The following SLC2A9 variants were observed in gnomAD, a reference collection of about 807,000 sequenced individuals.
SLC2A9 encodes the protein solute carrier family 2 member 9, also known as solute carrier family 2, facilitated glucose transporter member 9.
A neutral mutation model predicts 50.6 loss-of-function variants in SLC2A9; 39 were observed. The ratio of observed to expected loss-of-function variants is 0.77; its 90% confidence interval spans 0.60 to 1.01. The LOEUF (loss-of-function observed/expected upper bound fraction) is 1.01, where lower values mean the gene tolerates loss of function less well. Ranked by LOEUF, SLC2A9 falls within the 50% of genes least tolerant of loss-of-function variation. SLC2A9 has a pLI of 0.00. For synonymous variants in SLC2A9, 324 were observed against 276.9 expected (o/e 1.17, Z -1.69); for missense variants, 686 against 677.6 (o/e 1.01, Z -0.14).
chr4:9,867,178 TC>T (rs1208856195), intron 10 of SLC2A9, among the ~76,000 whole-genome samples: 1 of 152,248 alleles, frequency 6.6e-6, no homozygotes, highest in Non-Finnish European at 1.5e-5. Context: ...TGTAACTACA[TC>T]TCATTTGCAA....
At chr4:10,008,888 T>G (rs949739482) in intron 2 of SLC2A9, among the ~76,000 whole-genome samples, 2 of 151,016 alleles carry the variant, frequency 1.3e-5, no homozygotes, top group African/African-American at 4.9e-5. Flanking sequence ...ATTATCAAAT[T>G]TCTGTGCGGT....
intron 5 of SLC2A9, among the ~76,000 whole-genome samples, chr4:9,965,848 T>C (rs895373269): frequency 8.5e-5 from 13 of 152,168 alleles, no homozygotes; most frequent in African/African-American, 2.7e-4. Flanking sequence ...CAGAAATTAA[T>C]GACATCAACT....
chr4:9,784,977 G>T (rs1474648702), intron 3 of SLC2A9, among the ~76,000 whole-genome samples: 5 of 152,214 alleles, frequency 3.3e-5, no homozygotes, highest in African/African-American at 1.2e-4. Flanking sequence ...ACTATTTCTG[G>T]AACAGTGAGA....
chr4:9,956,370 C>A (rs1421686765), intron 5 of SLC2A9, among the ~76,000 whole-genome samples: 1 of 151,914 alleles, frequency 6.6e-6, no homozygotes, highest in African/African-American at 2.4e-5. Flanking sequence ...GCCCCAGCTA[C>A]TCGGGAGGCT....
intron 11 of SLC2A9, 100 bp downstream of exon 11, chr4:9,834,781 G>C: frequency 6.4e-7 from 1 of 1,558,668 alleles, no homozygotes; most frequent in Non-Finnish European, 8.8e-7. Context: ...TGAGTTTCCA[G>C]TTGAGAGGAG....
intron 3 of SLC2A9, 21 bp downstream of exon 3, chr4:9,996,760 T>C (rs955535442): frequency 2.5e-6 from 4 of 1,612,568 alleles, no homozygotes; most frequent in African/African-American, 1.3e-5. Flanking sequence ...CACCCCCAGA[T>C]AGAGACAGCC....
intron 3 of SLC2A9, among the ~76,000 whole-genome samples, chr4:9,784,909 A>C (rs1719021461): frequency 6.6e-6 from 1 of 152,244 alleles, no homozygotes; most frequent in Non-Finnish European, 1.5e-5. Flanking sequence ...TATCTTGATC[A>C]CTGCAAAATG....
chr4:9,838,415 A>G (rs1029003023), intron 10 of SLC2A9, among the ~76,000 whole-genome samples: 2 of 152,204 alleles, frequency 1.3e-5, no homozygotes, highest in African/African-American at 4.8e-5. Flanking sequence ...AAGAACTAAT[A>G]TTGTTAAAAT....
chr4:9,963,989 G>T (rs1024627386), intron 5 of SLC2A9, among the ~76,000 whole-genome samples: 2 of 152,126 alleles, frequency 1.3e-5, no homozygotes, highest in Admixed American at 1.3e-4. Context: ...TGGAGGGGTG[G>T]ATGGGTGGAG....
At chr4:9,897,610 C>T (rs1738798500) in intron 8 of SLC2A9, among the ~76,000 whole-genome samples, 1 of 152,094 alleles carries the variant, frequency 6.6e-6, no homozygotes, top group Admixed American at 6.6e-5. Flanking sequence ...GACACGGAGA[C>T]AGACACGCAC....
intron 10 of SLC2A9, among the ~76,000 whole-genome samples, chr4:9,846,128 G>A (rs978264379): frequency 3.9e-5 from 6 of 152,206 alleles, no homozygotes; most frequent in Admixed American, 2.0e-4. Context: ...GTAAATGATA[G>A]ACTTGGCTCC....
intron 3 of SLC2A9, among the ~76,000 whole-genome samples, chr4:9,799,846 G>C (rs1721150321): frequency 6.6e-6 from 1 of 152,124 alleles, no homozygotes; most frequent in Admixed American, 6.5e-5. Flanking sequence ...CCAGATGGCA[G>C]TCAGCAAGAG....
chr4:9,850,866 C>T (rs1729783028), intron 10 of SLC2A9, among the ~76,000 whole-genome samples: 1 of 152,136 alleles, frequency 6.6e-6, no homozygotes, highest in South Asian at 2.1e-4. Context: ...GGTACCCTAC[C>T]ATGCTGCCAC....
downstream of SLC2A9, chr4:9,798,766 T>G (rs918892521): frequency 1.3e-5 from 2 of 152,202 alleles, no homozygotes; most frequent in African/African-American, 2.4e-5. Flanking sequence ...AATGTGGAAA[T>G]CCAAGGCTCC....
intron 5 of SLC2A9, among the ~76,000 whole-genome samples, chr4:9,971,305 A>G (rs546211825): frequency 3.3e-5 from 5 of 152,292 alleles, no homozygotes; most frequent in African/African-American, 1.2e-4. Flanking sequence ...ATACAAGCTG[A>G]GATTGTCATA....
At chr4:9,895,974 T>C (rs1048806362) in intron 8 of SLC2A9, among the ~76,000 whole-genome samples, 1 of 152,250 alleles carries the variant, frequency 6.6e-6, no homozygotes, top group African/African-American at 2.4e-5. Context: ...TGCTGATCAG[T>C]ATTCCATTGC....
intron 10 of SLC2A9, among the ~76,000 whole-genome samples, chr4:9,839,813 C>T (rs7677964): frequency 0.16 from 24,358 of 151,908 alleles, 2,691 homozygotes; most frequent in African/African-American, 0.31. Context: ...ACAACACACA[C>T]TGGGGCTTAC....
chr4:9,793,237 CA>C (rs888784081), intron 3 of SLC2A9, among the ~76,000 whole-genome samples: 10 of 152,312 alleles, frequency 6.6e-5, no homozygotes, highest in African/African-American at 2.2e-4. Context: ...CTAGAGACTT[CA>C]GAAATCATGT....
intron 8 of SLC2A9, among the ~76,000 whole-genome samples, chr4:9,907,234 C>G (rs1050522525): frequency 6.6e-6 from 1 of 152,208 alleles, no homozygotes; most frequent in Non-Finnish European, 1.5e-5. Context: ...ACAGACATAG[C>G]TACAAAAAAG....
Sources: allele counts gnomAD v4.1 joint callset (sites outside exome capture counted in the v4.1 genomes callset), GRCh38; gene constraint gnomAD v4.1.1; transcripts MANE v1.5; gene names NCBI Gene and HGNC (gene_info 2026-07-23, HGNC 2026-07-21).